The following SULF2 variants were observed in gnomAD, a reference collection of about 807,000 sequenced individuals.
SULF2 encodes sulfatase 2.
Under a neutral mutation model 107.7 loss-of-function variants are expected in SULF2, and 52 were observed. The ratio of observed to expected loss-of-function variants is 0.48; its 90% CI spans 0.39 to 0.61. The LOEUF (loss-of-function observed/expected upper bound fraction) is 0.61. SULF2 is among the 20% of genes least tolerant of loss of function. SULF2 has a pLI of 0.00. For missense variants in SULF2, 993 were observed against 1,177.3 expected, an observed-to-expected ratio of 0.84 and a Z score of 2.29; for synonymous variants, 460 against 464.3, an observed-to-expected ratio of 0.99 and a Z score of 0.12.
At chr20:47,690,066 G>T in intron 5 of SULF2, 60 bp downstream of exon 5, 3 of 1,341,484 alleles carry the variant, frequency 2.2e-6, no homozygotes, top group Non-Finnish European at 2.9e-6. Flanking sequence ...TGTTGCTAAA[G>T]CCTGACCCTC....
rs528610320 is a variant in SULF2 at position 47,720,266 on chromosome 20, A to T, written c.415+16437T>A. Among the ~76,000 whole-genome samples, 807 of 151,176 alleles carry T rather than the reference A, an allele frequency of 5.3e-3. 7 individuals carry two copies. The highest frequency in any genetic ancestry group is 0.018 in the African/African-American group (745 of 41,174). ...CTGCACCTGGCCTTTATTTTATTTT[A>T]TTTTTTTTGAGACAGGGTCTCACTT... is the stretch of plus-strand genomic sequence containing the variant. On this transcript the variant is annotated intron_variant, in intron 3 of 20. Transcript: ENST00000688720.
At chr20:47,675,009 T>C (rs1210760409) in intron 10 of SULF2, among the ~76,000 whole-genome samples, 1 of 152,200 alleles carries the variant, frequency 6.6e-6, no homozygotes, top group Non-Finnish European at 1.5e-5. Context: ...TCTCTTCCTT[T>C]GGCTTCAGTG....
At chr20:47,665,128 C>A in intron 14 of SULF2, 71 bp downstream of exon 14, 2 of 976,412 alleles carry the variant, frequency 2.0e-6, no homozygotes, top group Non-Finnish European at 3.3e-6. Context: ...GGGTCAATCA[C>A]GAGAGGGGAT....
intron 11 of SULF2, among the ~76,000 whole-genome samples, chr20:47,668,623 G>A (rs1035922887): frequency 5.3e-5 from 8 of 152,226 alleles, no homozygotes; most frequent in Non-Finnish European, 8.8e-5. Flanking sequence ...TCAGGATGGT[G>A]CCTACCCTAC....
intron 3 of SULF2, chr20:47,706,599 C>G (rs992851122): frequency 6.6e-6 from 1 of 152,250 alleles, no homozygotes; most frequent in African/African-American, 2.4e-5. Flanking sequence ...CTAGCATGTG[C>G]CTAGTGGATT....
rs1439761797 is a variant in SULF2, at chr20:47,745,440, TATATATATATATATATAC to T, written c.176-8516_176-8499del. Among the ~76,000 whole-genome samples the T allele has an allele frequency of 8.8e-4, 11 of 12,506 alleles. 1 individual carries two copies. Among genetic ancestry groups the T allele is most frequent in the Admixed American group, 8.2e-3 (7 of 856 alleles). 8.2% of individuals were successfully genotyped at this position (12,506 alleles called of 152,430 possible). ...ATATATATATATATATATATATATA[TATATATATATATATATAC>T]ACATACACACACACTTTTTTAGTTC... On this transcript the variant is annotated intron_variant, in intron 2 of 20. Coordinates refer to ENST00000688720, the MANE Select transcript of SULF2 (RefSeq NM_001387048.1).
chr20:47,750,903 C>G lies in SULF2; in HGVS notation c.175+6286G>C, dbSNP rs78123939. Among the ~76,000 whole-genome samples the G allele has an allele frequency of 5.6e-4, 85 of 152,276 alleles. No individual in the cohort carries two copies. In the East Asian group the frequency reaches 8.5e-3, roughly 15 times the overall value. ...GATCCCCCTTGACTGGTTTCCTTAC[C>G]TTCTTTGCTCAGATTTCCCCTTCCC... On this transcript the variant is annotated intron_variant, in intron 2 of 20. Transcript: ENST00000688720.
intron 1 of SULF2, among the ~76,000 whole-genome samples, chr20:47,771,332 C>G (rs2090626349): frequency 6.6e-6 from 1 of 152,076 alleles, no homozygotes; most frequent in African/African-American, 2.4e-5. Flanking sequence ...GGGCTCGTAC[C>G]AGGAGCTAGA....
chr20:47,769,412 G>C (rs2090587577), intron 1 of SULF2, among the ~76,000 whole-genome samples: 3 of 149,346 alleles, frequency 2.0e-5, no homozygotes, highest in Admixed American at 6.7e-5. Context: ...TGGCCAGGCT[G>C]GTCTCAAACT....
At chr20:47,721,541 T>C (rs1332845526) in intron 3 of SULF2, among the ~76,000 whole-genome samples, 1 of 152,164 alleles carries the variant, frequency 6.6e-6, no homozygotes, top group Admixed American at 6.5e-5. Context: ...GCTAATTTTG[T>C]ATTTTTTTAG....
intron 17 of SULF2, among the ~76,000 whole-genome samples, chr20:47,662,353 G>T (rs2087105214): frequency 6.6e-6 from 1 of 152,132 alleles, no homozygotes; most frequent in Non-Finnish European, 1.5e-5. Context: ...CTACCCCTTT[G>T]GTAAAGTATG....
chr20:47,730,168 C>A (rs551231180), intron 3 of SULF2, among the ~76,000 whole-genome samples: 1 of 152,144 alleles, frequency 6.6e-6, no homozygotes, highest in Non-Finnish European at 1.5e-5. Flanking sequence ...CGCTCAGGGC[C>A]AAACCCCAAA....
Position 47,709,754 on chromosome 20 carries a change from C to CTGTGTG in SULF2, c.416-7090_416-7085dup, listed in dbSNP as rs57995482. ...CATCTTGCCACCAAGAGGGAAGAGT[C>CTGTGTG]TGTGTGTGTGTGTGTAAAGCAATAT... On this transcript the variant is annotated intron_variant, in intron 3 of 20. Transcript: ENST00000688720. Among the ~76,000 whole-genome samples the CTGTGTG allele has an allele frequency of 4.7e-3, 708 of 150,900 alleles. 5 individuals carry two copies. Among genetic ancestry groups the CTGTGTG allele is most frequent in the African/African-American group, 0.016 (671 of 41,046 alleles).
intron 2 of SULF2, among the ~76,000 whole-genome samples, chr20:47,742,475 G>T (rs1233174738): frequency 6.6e-6 from 1 of 152,138 alleles, no homozygotes. Context: ...GACTCTGATG[G>T]GCTGGAGAGG....
At chr20:47,721,081 A>T (rs1287732475) in intron 3 of SULF2, among the ~76,000 whole-genome samples, 1 of 152,212 alleles carries the variant, frequency 6.6e-6, no homozygotes, top group Non-Finnish European at 1.5e-5. Flanking sequence ...ATATTCTGTA[A>T]CTGGATCCTT....
intron 2 of SULF2, among the ~76,000 whole-genome samples, chr20:47,750,888 G>T (rs956483640): frequency 1.3e-5 from 2 of 152,184 alleles, no homozygotes; most frequent in African/African-American, 4.8e-5. Context: ...GATCCCCCTT[G>T]ACTGGTTTCC....
At chr20:47,665,328 T>A in intron 13 of SULF2, 35 bp from the exon 14 acceptor site, 1 of 1,380,998 alleles carries the variant, frequency 7.2e-7, no homozygotes, top group Non-Finnish European at 1.0e-6. Context: ...CCTTGAAACC[T>A]TCAAGGCTGG....
Position 47,684,455 on chromosome 20 carries a change from C to T in SULF2, c.864G>A (p.Met288Ile). 1.9e-6 allele frequency: 3 copies of T among 1,613,262 alleles called. No individual in the cohort carries two copies. The highest frequency in any genetic ancestry group is 2.5e-6 in the Non-Finnish European group (3 of 1,179,602). ...MLQRKRLQTL[M>I]SVDDSMETIY... is the part of the protein sequence containing the mutation. ...CCGTCTCCATGGAGTCGTCCACCGA[C>T]ATGAGGGTCTGCAAGCGCTTCCGCT... Residue 288 changes from methionine (M) to isoleucine (I), a missense_variant, in exon 6 of 21, where the codon ATG (methionine) becomes ATA (isoleucine). By Grantham distance (10) the Met-to-Ile change is conservative. Around this residue, in one of 3 missense-constraint regions of SULF2, gnomAD observed 388 missense variants for 449.2 expected, o/e 0.86. Coordinates refer to ENST00000688720, the MANE Select transcript of SULF2 (RefSeq NM_001387048.1).
At chr20:47,728,221 G>GTGCA (rs1362646869) in intron 3 of SULF2, among the ~76,000 whole-genome samples, 2 of 152,102 alleles carry the variant, frequency 1.3e-5, no homozygotes, top group African/African-American at 4.8e-5. Context: ...GTGTGTGTGC[G>GTGCA]TGCGTGCGTG....
Sources: allele counts gnomAD v4.1 joint callset (sites outside exome capture counted in the v4.1 genomes callset), GRCh38; gene constraint gnomAD v4.1.1; regional missense constraint gnomAD v4.1.1; transcripts MANE v1.5; gene names NCBI Gene and HGNC (gene_info 2026-07-23, HGNC 2026-07-21).